The following NAALADL2 variants were observed in gnomAD, a reference collection of about 807,000 sequenced individuals.
The protein encoded by NAALADL2 is N-acetylated alpha-linked acidic dipeptidase like 2, also known as inactive N-acetylated-alpha-linked acidic dipeptidase-like protein 2.
Under a neutral mutation model 87.2 loss-of-function variants are expected in NAALADL2, and 76 were observed. That is an observed-to-expected ratio of 0.87 (90% CI 0.72 to 1.05). The LOEUF is 1.05. Among genes scored for constraint, NAALADL2 ranks in the 50% least tolerant of loss-of-function variants. The probability of loss-of-function intolerance (pLI) is 0.00; values close to 1 mark genes in which losing one functional copy is unlikely to be tolerated. For missense variants in NAALADL2, 1,089 were observed against 945.8 expected (o/e 1.15, Z -1.99); for synonymous variants, 354 against 331.0 (o/e 1.07, Z -0.75).
intron 3 of NAALADL2, among the ~76,000 whole-genome samples, chr3:174,766,753 G>A (rs1713851814): frequency 6.6e-6 from 1 of 151,942 alleles, no homozygotes; most frequent in Non-Finnish European, 1.5e-5. Context: ...AACTACCTTG[G>A]AGCAGGCATT....
intron 1 of NAALADL2, among the ~76,000 whole-genome samples, chr3:175,048,986 T>C (rs990107339): frequency 1.3e-5 from 2 of 152,134 alleles, no homozygotes; most frequent in Non-Finnish European, 2.9e-5. Flanking sequence ...ACAGTATAAA[T>C]TAGGGATGTA....
In NAALADL2 at chr3:175,786,135, TTTTTCCTTCATTTCAAC is replaced by T. The variant is rs1751917474; in HGVS notation, c.2190-16866_2190-16850del. ...CTTTCTCTCTGGCTGCCCTTAACATTTTTTCCTTCATTTCAACTTTGGTGAATCTGACAATTATGTGT... is the reference window on the plus strand; with the variant it reads ...CTTTCTCTCTGGCTGCCCTTAACATTTTTGGTGAATCTGACAATTATGTGT... On this transcript the variant is annotated intron_variant, in intron 13 of 13. Coordinates refer to ENST00000454872, the MANE Select transcript of NAALADL2 (RefSeq NM_207015.3). Among the ~76,000 whole-genome samples, 3 of 151,920 alleles carry T rather than the reference TTTTTCCTTCATTTCAAC, an allele frequency of 2.0e-5. No homozygotes were observed. The South Asian group carries it at 6.2e-4, about 32-fold the overall frequency.
intron 4 of NAALADL2, among the ~76,000 whole-genome samples, chr3:175,292,064 T>A (rs1755704457): frequency 1.3e-5 from 2 of 152,184 alleles, no homozygotes; most frequent in East Asian, 3.8e-4. Flanking sequence ...AAAACAGAAT[T>A]TGCATTGACT....
intron 11 of NAALADL2, among the ~76,000 whole-genome samples, chr3:175,677,478 G>GGGGT (rs1553948051): frequency 7.1e-6 from 1 of 140,122 alleles, no homozygotes; most frequent in African/African-American, 2.6e-5. Context: ...AGTATAATGG[G>GGGGT]GTGTGTGTGT....
chr3:175,574,494 C>A (rs958809611), intron 9 of NAALADL2, among the ~76,000 whole-genome samples: 1 of 152,144 alleles, frequency 6.6e-6, no homozygotes, highest in Non-Finnish European at 1.5e-5. Flanking sequence ...ATGCCCCAAA[C>A]GAGAACTCTG....
chr3:175,286,081 T>C (rs1159915164), intron 4 of NAALADL2, among the ~76,000 whole-genome samples: 1 of 152,194 alleles, frequency 6.6e-6, no homozygotes, highest in African/African-American at 2.4e-5. Flanking sequence ...AACAAGTATG[T>C]TTATGAAAGA....
At chr3:175,387,332 C>G (rs904772719) in intron 5 of NAALADL2, among the ~76,000 whole-genome samples, 1 of 151,996 alleles carries the variant, frequency 6.6e-6, no homozygotes, top group Non-Finnish European at 1.5e-5. Context: ...TTATTTTTAT[C>G]ATTCCTTCTT....
chr3:175,319,452 C>T (rs79532147), intron 4 of NAALADL2, among the ~76,000 whole-genome samples: 4,250 of 152,194 alleles, frequency 0.028, 183 homozygotes, highest in African/African-American at 0.098. Context: ...TAAAATCATG[C>T]TATATATGCA....
chr3:174,714,303 T>C (rs1560166710), intron 2 of NAALADL2, among the ~76,000 whole-genome samples: 1 of 152,178 alleles, frequency 6.6e-6, no homozygotes, highest in South Asian at 2.1e-4. Context: ...TGGTTCCATA[T>C]GAACTTTAAA....
chr3:174,934,854 T>TTTCTAGGGTATTAGCTTATGCA (rs1327418142), intron 1 of NAALADL2, among the ~76,000 whole-genome samples: 1 of 151,730 alleles, frequency 6.6e-6, no homozygotes, highest in African/African-American at 2.4e-5. Flanking sequence ...AATTATAGGA[T>TTTCTAGGGTATTAGCTTATGCA]ACGTTCAATC....
intron 5 of NAALADL2, among the ~76,000 whole-genome samples, chr3:175,419,853 T>C (rs1268694638): frequency 6.6e-6 from 1 of 151,998 alleles, no homozygotes; most frequent in Non-Finnish European, 1.5e-5. Flanking sequence ...AGAAGTGATA[T>C]TTCCAGTGTC....
chr3:175,365,736 G>C (rs966017036), intron 5 of NAALADL2, among the ~76,000 whole-genome samples: 1 of 147,002 alleles, frequency 6.8e-6, no homozygotes, highest in African/African-American at 2.5e-5. Flanking sequence ...TCCAAGACAT[G>C]CTTAACATTA....
chr3:174,720,587 A>C (rs1731620935), intron 2 of NAALADL2, among the ~76,000 whole-genome samples: 1 of 152,234 alleles, frequency 6.6e-6, no homozygotes, highest in Admixed American at 6.5e-5. Flanking sequence ...TTGCAATGAA[A>C]GCTATGGAAC....
At chr3:175,725,792 A>G (rs928738873) in intron 11 of NAALADL2, among the ~76,000 whole-genome samples, 3 of 152,202 alleles carry the variant, frequency 2.0e-5, no homozygotes, top group Admixed American at 6.5e-5. Context: ...GCAAAATAGA[A>G]TAAGGCTATT....
intron 1 of NAALADL2, among the ~76,000 whole-genome samples, chr3:174,504,398 C>T (rs1236122185): frequency 6.6e-6 from 1 of 152,040 alleles, no homozygotes; most frequent in African/African-American, 2.4e-5. Context: ...GTACTTGTTT[C>T]TAGTTTGGTA....
At chr3:175,181,675 T>G in intron 2 of NAALADL2, among the ~76,000 whole-genome samples, 1 of 86,946 alleles carries the variant, frequency 1.2e-5, no homozygotes, top group African/African-American at 4.5e-5. Flanking sequence ...AGTATTCCAT[T>G]GGCATATATA....
intron 11 of NAALADL2, among the ~76,000 whole-genome samples, chr3:175,715,749 G>A (rs1044042646): frequency 6.6e-5 from 10 of 151,940 alleles, no homozygotes; most frequent in African/African-American, 2.4e-4. Context: ...AGTGGCACAT[G>A]CTGTAATCCC....
At chr3:175,209,579 A>G (rs768540065) in intron 2 of NAALADL2, among the ~76,000 whole-genome samples, 9 of 152,058 alleles carry the variant, frequency 5.9e-5, no homozygotes, top group Non-Finnish European at 1.2e-4. Context: ...AAATTAGATG[A>G]TGTCTTGTAC....
chr3:174,859,440 G>T lies in NAALADL2; in HGVS notation c.33G>T (p.Thr11=), dbSNP rs370556147. Reference sequence around the variant, plus strand: ...AGAATGAAGCAAGTTTACCTAACACGTCTTTGCAAGGTAAGTACCAACAGC... The same window carrying T: ...AGAATGAAGCAAGTTTACCTAACACTTCTTTGCAAGGTAAGTACCAACAGC... MGENEASLPN[T]SLQGKKMAYQ... The change falls in exon 1 of 14, where the codon ACG becomes ACT. Residue 11 remains threonine, a synonymous_variant. Transcript: ENST00000454872. The T allele has an allele frequency of 2.5e-6, 4 of 1,610,542 alleles. No homozygotes were observed. Among genetic ancestry groups the T allele is most frequent in the Non-Finnish European group, 3.4e-6 (4 of 1,177,938 alleles).
Sources: gnomAD v4.1 joint callset for allele counts (sites outside exome capture counted in the v4.1 genomes callset) on GRCh38, gnomAD v4.1.1 for gene constraint, MANE v1.5 for transcripts, NCBI Gene and HGNC (gene_info 2026-07-23, HGNC 2026-07-21) for gene names.